MTUS2: variants seen among roughly 807,000 people sequenced by gnomAD.
The protein encoded by MTUS2 is microtubule associated scaffold protein 2, also known as microtubule-associated tumor suppressor candidate 2.
Under a neutral mutation model 114.1 loss-of-function variants are expected in MTUS2, and 40 were observed. That is an observed-to-expected ratio of 0.35 (90% CI 0.27 to 0.46). MTUS2 has a LOEUF of 0.46. Among genes scored for constraint, MTUS2 ranks in the 20% least tolerant of loss-of-function variants. The pLI is 1.00. For synonymous variants in MTUS2, 688 were observed against 672.0 expected (o/e 1.02, Z -0.37); for missense variants, 1,679 against 1,705.4 (o/e 0.98, Z 0.27).
chr13:29,382,052 G>T (rs568348730), intron 8 of MTUS2, among the ~76,000 whole-genome samples: 1 of 152,166 alleles, frequency 6.6e-6, no homozygotes, highest in East Asian at 1.9e-4. Context: ...AGAGCTGGAG[G>T]TGTGTTGGAG....
rs574206821 is a variant in MTUS2, at chr13:29,016,644, A to G, written c.-242-7813A>G. On this transcript the variant is annotated intron_variant, in intron 2 of 15. Coordinates refer to ENST00000612955, the MANE Select transcript of MTUS2 (RefSeq NM_001033602.4). ...TCTTTCTACCCTACTCTTCTTTACTACTTTCTACTCATTTTATGTAAAATA... is the reference window on the plus strand; with the variant it reads ...TCTTTCTACCCTACTCTTCTTTACTGCTTTCTACTCATTTTATGTAAAATA... Among the ~76,000 whole-genome samples the G allele has an allele frequency of 2.3e-4, 35 of 152,028 alleles. 1 individual carries two copies. The South Asian group carries it at 4.0e-3, about 17-fold the overall frequency.
chr13:29,066,872 G>A (rs1438261072), intron 4 of MTUS2, among the ~76,000 whole-genome samples: 1 of 152,250 alleles, frequency 6.6e-6, no homozygotes, highest in African/African-American at 2.4e-5. Flanking sequence ...GCAGAGATGT[G>A]CTCTGGAAAG....
intron 2 of MTUS2, among the ~76,000 whole-genome samples, chr13:28,854,090 C>T (rs962726084): frequency 4.6e-5 from 7 of 152,154 alleles, no homozygotes; most frequent in African/African-American, 1.4e-4. Flanking sequence ...CTATTCAAAG[C>T]GTGGTCTGCA....
chr13:29,425,925 C>G (rs1302387129), intron 8 of MTUS2, among the ~76,000 whole-genome samples: 1 of 152,130 alleles, frequency 6.6e-6, no homozygotes, highest in Non-Finnish European at 1.5e-5. Flanking sequence ...TCATACATCT[C>G]CTAAGAATAA....
intron 5 of MTUS2, among the ~76,000 whole-genome samples, chr13:29,264,289 C>G (rs573386788): frequency 6.6e-6 from 1 of 152,346 alleles, no homozygotes; most frequent in South Asian, 2.1e-4. Flanking sequence ...GGTAGCTCCC[C>G]CACTGTGGCT....
intron 4 of MTUS2, among the ~76,000 whole-genome samples, chr13:29,056,216 T>G (rs978389547): frequency 6.6e-6 from 1 of 152,138 alleles, no homozygotes; most frequent in African/African-American, 2.4e-5. Context: ...TGGTTTTAAG[T>G]ATTACATTTA....
At chr13:29,096,627 T>G (rs116672123) in intron 4 of MTUS2, among the ~76,000 whole-genome samples, 3,790 of 152,226 alleles carry the variant, frequency 0.025, 173 homozygotes, top group African/African-American at 0.087. Context: ...GGCCCAAACT[T>G]CCCTCACAGT....
intron 6 of MTUS2, among the ~76,000 whole-genome samples, chr13:29,289,978 CT>C (rs2139570840): frequency 1.3e-5 from 2 of 152,282 alleles, no homozygotes; most frequent in Non-Finnish European, 2.9e-5. Flanking sequence ...GATCAAATTT[CT>C]TTTTCCCCTG....
intron 8 of MTUS2, among the ~76,000 whole-genome samples, chr13:29,379,230 T>C (rs1872004380): frequency 6.6e-6 from 1 of 152,226 alleles, no homozygotes; most frequent in South Asian, 2.1e-4. Context: ...TTGGTGATTA[T>C]GGACTTCATT....
intron 1 of MTUS2, among the ~76,000 whole-genome samples, chr13:28,838,168 A>G (rs1193494527): frequency 1.3e-5 from 2 of 152,232 alleles, no homozygotes; most frequent in African/African-American, 2.4e-5. Context: ...TCATGCAAAA[A>G]CAAAACAATT....
At chr13:28,867,281 T>G (rs1877356165) in intron 2 of MTUS2, among the ~76,000 whole-genome samples, 1 of 152,234 alleles carries the variant, frequency 6.6e-6, no homozygotes, top group African/African-American at 2.4e-5. Context: ...TGGGAATATG[T>G]AACCAAAGCT....
chr13:29,012,490 G>A (rs754638729), intron 2 of MTUS2, among the ~76,000 whole-genome samples: 20 of 152,156 alleles, frequency 1.3e-4, no homozygotes, highest in Non-Finnish European at 2.6e-4. Context: ...CATATAAGGC[G>A]TTTGTGGTTA....
At chr13:28,891,844 C>T (rs1878944662) in intron 2 of MTUS2, among the ~76,000 whole-genome samples, 1 of 113,020 alleles carries the variant, frequency 8.8e-6, no homozygotes, top group Non-Finnish European at 1.7e-5. Context: ...CGCCACTGCA[C>T]AGAGACTCTG....
At chr13:29,201,507 A>G (rs1301600420) in intron 5 of MTUS2, among the ~76,000 whole-genome samples, 1 of 152,108 alleles carries the variant, frequency 6.6e-6, no homozygotes, top group Non-Finnish European at 1.5e-5. Context: ...GCCCATTTAC[A>G]TTTATGGTTA....
chr13:28,972,231 A>G (rs1883889989), intron 2 of MTUS2, among the ~76,000 whole-genome samples: 2 of 152,162 alleles, frequency 1.3e-5, no homozygotes, highest in Non-Finnish European at 2.9e-5. Context: ...TGGGTGGGGG[A>G]AGATGCAGCC....
chr13:29,056,998 T>C (rs556430038), intron 4 of MTUS2, among the ~76,000 whole-genome samples: 1 of 152,228 alleles, frequency 6.6e-6, no homozygotes, highest in South Asian at 2.1e-4. Flanking sequence ...GATTCTAGTA[T>C]GTTGTATTTT....
chr13:29,250,293 C>T (rs1429633210), intron 5 of MTUS2: 5 of 151,902 alleles, frequency 3.3e-5, no homozygotes, highest in East Asian at 1.9e-4. Flanking sequence ...ATCAAAATCC[C>T]GAGGAGCTCA....
intron 2 of MTUS2, among the ~76,000 whole-genome samples, chr13:28,964,450 A>G (rs974095443): frequency 7.9e-5 from 12 of 152,158 alleles, no homozygotes; most frequent in Non-Finnish European, 2.9e-5. Context: ...ATTCCGACCC[A>G]TTAACACCAC....
chr13:29,481,649 A>G (rs897532096), intron 10 of MTUS2, among the ~76,000 whole-genome samples: 18 of 139,062 alleles, frequency 1.3e-4, no homozygotes, highest in Admixed American at 5.0e-4. Context: ...CAGCCCTCCC[A>G]CTGCCCCAGA....
Sources: gnomAD v4.1 joint callset for allele counts (sites outside exome capture counted in the v4.1 genomes callset) on GRCh38, gnomAD v4.1.1 for gene constraint, MANE v1.5 for transcripts, NCBI Gene and HGNC (gene_info 2026-07-23, HGNC 2026-07-21) for gene names.